GRID2IP: variants seen among roughly 807,000 people sequenced by gnomAD.
The protein encoded by GRID2IP is delphilin.
In GRID2IP, 78 loss-of-function variants were observed where a neutral mutation model predicts 114.3. The observed-to-expected ratio is 0.68, with a 90% CI of 0.57 to 0.82. The LOEUF (loss-of-function observed/expected upper bound fraction) is 0.82, where lower values mean the gene tolerates loss of function less well. GRID2IP is among the 40% of genes least tolerant of loss of function. GRID2IP has a pLI of 0.00. For missense variants in GRID2IP, 1,727 were observed against 1,678.5 expected, an observed-to-expected ratio of 1.03 and a Z score of -0.51; for synonymous variants, 809 against 724.0, an observed-to-expected ratio of 1.12 and a Z score of -1.89.
At position 6,516,177 on chromosome 7, in the gene GRID2IP, G is replaced by A. The variant is rs1779295751; in HGVS notation, c.1269-1648C>T. On this transcript the variant is annotated intron_variant, in intron 7 of 21. Transcript: ENST00000457091. The surrounding 1 kb of genome is among the most constrained non-coding windows in gnomAD (Gnocchi z 4.3). Reference sequence around the variant, plus strand: ...TATCTTTTGACCTAGAAGCAGGGAAGAGCTTAAAATTTCAAAAGCCAAAAC... The same window carrying A: ...TATCTTTTGACCTAGAAGCAGGGAAAAGCTTAAAATTTCAAAAGCCAAAAC... Among the ~76,000 whole-genome samples the A allele has an allele frequency of 6.6e-6, 1 of 151,664 alleles. No individual in the cohort carries two copies. Among genetic ancestry groups the A allele is most frequent in the Non-Finnish European group, 1.5e-5 (1 of 67,934 alleles).
chr7:6,543,923 A>G (rs1779848756), intron 1 of GRID2IP, among the ~76,000 whole-genome samples: 1 of 151,926 alleles, frequency 6.6e-6, no homozygotes, highest in Non-Finnish European at 1.5e-5. Flanking sequence ...CAGCCTCCCA[A>G]GTAGCTGGGA....
At chr7:6,502,668 G>A (rs1388352128) in intron 18 of GRID2IP, 118 bp downstream of exon 18, 2 of 655,502 alleles carry the variant, frequency 3.1e-6, no homozygotes, top group South Asian at 1.7e-5. Context: ...CTGCTAGGAG[G>A]AGAGCCCTCC....
At chr7:6,542,318 A>AG (rs1341382078) in intron 1 of GRID2IP, among the ~76,000 whole-genome samples, 3 of 151,258 alleles carry the variant, frequency 2.0e-5, no homozygotes, top group Admixed American at 1.3e-4. Context: ...AAAAAAAAAA[A>AG]AAAAAAAAGA....
chr7:6,507,880 G>C lies in GRID2IP; in HGVS notation c.2544+105C>G, dbSNP rs1165530228. The C allele has an allele frequency of 5.6e-5, 82 of 1,477,098 alleles. No individual in the cohort carries two copies. Among genetic ancestry groups the C allele is most frequent in the Non-Finnish European group, 7.4e-5 (82 of 1,107,266 alleles). 91.5% of individuals were successfully genotyped at this position (1,477,098 alleles called of 1,614,324 possible). ...TCTACTCATCCTCTGCTTGGGGTAG[G>C]GAGGATGATGTTGGAAGATGCCTGG... On this transcript the variant is annotated intron_variant, in intron 13 of 21. Transcript: ENST00000457091. The surrounding 1 kb of genome is among the most constrained non-coding windows in gnomAD (Gnocchi z 5.3).
chr7:6,523,151 T>C lies in GRID2IP; in HGVS notation c.920-1194A>G, dbSNP rs1180094590. ...ATCATTCTAAATGTAATTTGGAAAG[T>C]AGGGAAAATGATCAATGGCTAAATA... On this transcript the variant is annotated intron_variant, in intron 4 of 21. Transcript: ENST00000457091. The surrounding 1 kb of genome is among the most constrained non-coding windows in gnomAD (Gnocchi z 4.5). Among the ~76,000 whole-genome samples the C allele has an allele frequency of 1.3e-5, 2 of 152,056 alleles. No homozygotes were observed. Among genetic ancestry groups the C allele is most frequent in the African/African-American group, 4.8e-5 (2 of 41,406 alleles).
chr7:6,503,461 G>T (rs1433419888), intron 16 of GRID2IP, 30 bp downstream of exon 16: 1 of 1,492,386 alleles, frequency 6.7e-7, no homozygotes, highest in Admixed American at 2.3e-5. Flanking sequence ...AGCCGGCCGA[G>T]GCCTCGGGGC....
In GRID2IP at chr7:6,534,568, T is replaced by C. The variant is rs1390994857; in HGVS notation, c.584+5150A>G. ...AGCAGCGCTGTCCAAGGGAACGTTC[T>C]GTGACGATGGACAAGGTCTACATCC... On this transcript the variant is annotated intron_variant, in intron 2 of 21. Transcript: ENST00000457091. This position sits in a 1 kb window ranked among gnomAD's most constrained non-coding sequence, Gnocchi z 4.5. 1.3e-5 allele frequency among the ~76,000 whole-genome samples: 2 copies of C among 152,230 alleles called. No individual in the cohort carries two copies. The highest frequency in any genetic ancestry group is 2.9e-5 in the Non-Finnish European group (2 of 68,040).
intron 1 of GRID2IP, among the ~76,000 whole-genome samples, chr7:6,549,916 C>T (rs1020222770): frequency 6.6e-6 from 1 of 151,972 alleles, no homozygotes; most frequent in Non-Finnish European, 1.5e-5. Flanking sequence ...CAGGCGTGAG[C>T]CACCTCACCC....
Position 6,509,124 on chromosome 7 carries a change from G to A in GRID2IP, c.1961C>T (p.Pro654Leu), listed in dbSNP as rs757978895. The change falls in exon 12 of 22, where the codon CCA becomes CTA. Residue 654 changes from proline (P) to leucine (L), a missense_variant. By Grantham distance (98) the Pro-to-Leu change is moderately conservative (BLOSUM62 -3). Transcript: ENST00000457091. This position sits in a 1 kb window ranked among gnomAD's most constrained non-coding sequence, Gnocchi z 4.9. ...GPGPICPDSPPSPDPTRPPSR... is the reference protein window; with the variant it reads ...GPGPICPDSPLSPDPTRPPSR... ...GGGCGGGCGGGTGGGGTCCGGGCTT[G>A]GGGGGCTGTCGGGGCAGATGGGCCC... 1.8e-5 allele frequency: 26 copies of A among 1,476,534 alleles called. No individual in the cohort carries two copies. The highest frequency in any genetic ancestry group is 1.8e-6 in the Non-Finnish European group (2 of 1,113,414). 91.5% of individuals were successfully genotyped at this position (1,476,534 alleles called of 1,614,324 possible). A position where few individuals can be genotyped will look rare whatever the true frequency, so the allele number is the denominator to read the frequency against.
At chr7:6,533,883 T>TA (rs1367728487) in intron 2 of GRID2IP, among the ~76,000 whole-genome samples, 2 of 151,814 alleles carry the variant, frequency 1.3e-5, no homozygotes, top group East Asian at 3.9e-4. Flanking sequence ...ACTCTGGCCT[T>TA]AAGCAACCCT....
Position 6,506,485 on chromosome 7 carries a change from A to G in GRID2IP, c.2545-578T>C, listed in dbSNP as rs1046127791. Among the ~76,000 whole-genome samples the G allele has an allele frequency of 8.5e-5, 13 of 152,182 alleles. No individual in the cohort carries two copies. Among genetic ancestry groups the G allele is most frequent in the African/African-American group, 3.1e-4 (13 of 41,458 alleles). ...AGGCAGGGGAATGAAGTCTTAGAAC[A>G]TGGCTGCAGGGCAGGGACACTGAGG... is the stretch of plus-strand genomic sequence containing the variant. On this transcript the variant is annotated intron_variant, in intron 13 of 21. Transcript: ENST00000457091. The surrounding 1 kb of genome is among the most constrained non-coding windows in gnomAD (Gnocchi z 5.2).
intron 1 of GRID2IP, 130 bp from the exon 2 acceptor site, chr7:6,540,002 C>T: frequency 1.5e-6 from 1 of 679,524 alleles, no homozygotes; most frequent in Non-Finnish European, 2.5e-6. Flanking sequence ...CACCTGAGTG[C>T]TATGCCCATA....
intron 1 of GRID2IP, among the ~76,000 whole-genome samples, chr7:6,541,696 A>T (rs936621556): frequency 6.6e-6 from 1 of 152,196 alleles, no homozygotes; most frequent in Non-Finnish European, 1.5e-5. Flanking sequence ...AAATGGGCAC[A>T]TTGGAAATGA....
At chr7:6,530,737 A>C (rs1398132071) in intron 2 of GRID2IP, among the ~76,000 whole-genome samples, 1 of 152,202 alleles carries the variant, frequency 6.6e-6, no homozygotes, top group Non-Finnish European at 1.5e-5. Context: ...ACCCAACCTC[A>C]GTCTCGGCCC....
rs556318382 is a variant in GRID2IP at position 6,509,539 on chromosome 7, G to C, written c.1772-226C>G. ...TGCTCGGCCTCAGGACAGGCTGGAC[G>C]CCAGCTCACCTTGGAATGGTCACCA... is the stretch of plus-strand genomic sequence containing the variant. On this transcript the variant is annotated intron_variant, in intron 11 of 21. Transcript: ENST00000457091. The surrounding 1 kb of genome is among the most constrained non-coding windows in gnomAD (Gnocchi z 4.9). 6.6e-6 allele frequency among the ~76,000 whole-genome samples: 1 copy of C among 152,146 alleles called. No individual in the cohort carries two copies. Among genetic ancestry groups the C allele is most frequent in the South Asian group, 2.1e-4 (1 of 4,826 alleles).
chr7:6,504,316 C>G (rs1786511525), intron 15 of GRID2IP, among the ~76,000 whole-genome samples: 1 of 150,308 alleles, frequency 6.7e-6, no homozygotes, highest in African/African-American at 2.5e-5. Context: ...GGCGAAGCTT[C>G]CAGGTGGGCT....
At chr7:6,512,228 C>CTTATTTTTTTTTT in intron 8 of GRID2IP, among the ~76,000 whole-genome samples, 2 of 63,922 alleles carry the variant, frequency 3.1e-5, no homozygotes, top group South Asian at 3.7e-4. Context: ...TTTTTCTTTT[C>CTTATTTTTTTTTT]TTCTTTTTTT....
At chr7:6,549,947 A>G (rs1230938231) in intron 1 of GRID2IP, among the ~76,000 whole-genome samples, 2 of 151,522 alleles carry the variant, frequency 1.3e-5, no homozygotes, top group South Asian at 2.1e-4. Context: ...TTTACACTTG[A>G]TCTTAGATGA....
Position 6,523,236 on chromosome 7 carries a change from G to T in GRID2IP, c.920-1279C>A, listed in dbSNP as rs1779446309. ...GGGGAAGTGGAAACTGTCCAGAGAA[G>T]AGAGGGAACAATTAGGGAAGACTTC... On this transcript the variant is annotated intron_variant, in intron 4 of 21. Coordinates refer to ENST00000457091, the MANE Select transcript of GRID2IP (RefSeq NM_001145118.2). This position sits in a 1 kb window ranked among gnomAD's most constrained non-coding sequence, Gnocchi z 4.5. 6.6e-6 allele frequency among the ~76,000 whole-genome samples: 1 copy of T among 152,230 alleles called. No individual in the cohort carries two copies. The highest frequency in any genetic ancestry group is 1.5e-5 in the Non-Finnish European group (1 of 68,050).
Sources: allele counts gnomAD v4.1 joint callset (sites outside exome capture counted in the v4.1 genomes callset), GRCh38; gene constraint gnomAD v4.1.1; non-coding constraint Gnocchi (gnomAD v3.1); transcripts MANE v1.5; gene names NCBI Gene and HGNC (gene_info 2026-07-23, HGNC 2026-07-21).